Variants in WWP2 observed in about 807,000 individuals in gnomAD.
WWP2 encodes the protein NEDD4-like E3 ubiquitin-protein ligase WWP2.
WWP2 carries 57 observed loss-of-function variants against 121.0 expected under a neutral mutation model. The ratio of observed to expected loss-of-function variants is 0.47; its 90% CI spans 0.38 to 0.59. The LOEUF (loss-of-function observed/expected upper bound fraction) is 0.59. WWP2 is among the 20% of genes least tolerant of loss of function. WWP2 has a pLI of 0.00. For missense variants in WWP2, 962 were observed against 1,158.9 expected (o/e 0.83, Z 2.47); for synonymous variants, 449 against 441.3 (o/e 1.02, Z -0.22).
intron 7 of WWP2, among the ~76,000 whole-genome samples, chr16:69,877,933 C>G (rs1013557134): frequency 6.6e-6 from 1 of 152,046 alleles, no homozygotes; most frequent in Non-Finnish European, 1.5e-5. Context: ...TCAGCCCCCC[C>G]AGTAGCTGGG....
At chr16:69,821,474 G>A (rs1011488940) in intron 4 of WWP2, among the ~76,000 whole-genome samples, 9 of 152,180 alleles carry the variant, frequency 5.9e-5, no homozygotes, top group Non-Finnish European at 1.0e-4. Flanking sequence ...GAGAAGAAAA[G>A]CTCTCTGTCA....
rs1269334349 is a variant in WWP2 at position 69,888,054 on chromosome 16, C to G, written c.719C>G (p.Thr240Arg). The G allele has an allele frequency of 6.2e-7, 1 of 1,614,100 alleles. No homozygotes were observed. The highest frequency in any genetic ancestry group is 2.2e-5 in the East Asian group (1 of 44,894). The change falls in exon 8 of 24, where the codon ACA becomes AGA. Residue 240 changes from threonine to arginine, a missense_variant. This residue lies in a region of WWP2 where 211 missense variants were observed against 196.5 expected (regional missense o/e 1.07). Coordinates refer to ENST00000359154, the MANE Select transcript of WWP2 (RefSeq NM_001270454.2). The stretch of plus-strand genomic sequence containing the variant: ...GCATCTTCAGTGAATGATGAACCCA[C>G]AACAGCCACTGATCCCGAAGAACCT... ...LANGTVNDEP[T>R]TATDPEEPSV...
rs1359340511 is a variant in WWP2, at chr16:69,788,422, C to A, written c.70+1342C>A. On this transcript the variant is annotated intron_variant, in intron 2 of 23. Transcript: ENST00000359154. ...AAGCCGAAGCTCCCATGTGATGTGA[C>A]CCTTCCCCACCCCACATTTCTCATC... Among the ~76,000 whole-genome samples the A allele has an allele frequency of 2.0e-5, 3 of 152,160 alleles. No individual in the cohort carries two copies. The East Asian group carries it at 5.8e-4, about 29-fold the overall frequency.
intron 6 of WWP2, among the ~76,000 whole-genome samples, chr16:69,859,844 T>C (rs2057383777): frequency 6.6e-6 from 1 of 151,988 alleles, no homozygotes; most frequent in Non-Finnish European, 1.5e-5. Context: ...GTGATGCTAA[T>C]TAGACTGAGA....
chr16:69,826,433 G>A (rs1041255367), intron 4 of WWP2, among the ~76,000 whole-genome samples: 4 of 151,656 alleles, frequency 2.6e-5, no homozygotes, highest in African/African-American at 9.7e-5. Flanking sequence ...TTAGCCGGGC[G>A]TGATGGTGGG....
At chr16:69,787,745 A>G (rs1298921220) in intron 2 of WWP2, among the ~76,000 whole-genome samples, 1 of 151,990 alleles carries the variant, frequency 6.6e-6, no homozygotes, top group Non-Finnish European at 1.5e-5. Context: ...TTACCTCTGA[A>G]CTCCTGATTT....
chr16:69,895,129 A>G (rs2058088330), intron 8 of WWP2: 1 of 152,242 alleles, frequency 6.6e-6, no homozygotes. Flanking sequence ...CCCTTAAGAC[A>G]CTATCAAGGA....
intron 6 of WWP2, among the ~76,000 whole-genome samples, chr16:69,853,995 G>A (rs1400317514): frequency 6.6e-6 from 1 of 152,194 alleles, no homozygotes; most frequent in Non-Finnish European, 1.5e-5. Context: ...ATAGGAGGAG[G>A]AATGAGAACC....
intron 6 of WWP2, among the ~76,000 whole-genome samples, chr16:69,863,570 G>A (rs913886641): frequency 1.3e-5 from 2 of 152,146 alleles, no homozygotes; most frequent in African/African-American, 4.8e-5. Context: ...ACCTGGTGGG[G>A]GCAGAGGTTG....
chr16:69,765,987 C>G (rs1250887543), intron 1 of WWP2, among the ~76,000 whole-genome samples: 2 of 152,136 alleles, frequency 1.3e-5, no homozygotes, highest in Non-Finnish European at 2.9e-5. Context: ...TAAATACTAT[C>G]CACATGCTAA....
intron 8 of WWP2, among the ~76,000 whole-genome samples, chr16:69,893,565 G>GTTTGTT (rs200377558): frequency 2.6e-5 from 4 of 151,972 alleles, no homozygotes; most frequent in South Asian, 4.1e-4. Flanking sequence ...TTTTTTGTTT[G>GTTTGTT]TTTGTTTTTG....
chr16:69,878,989 A>T (rs904425535), intron 7 of WWP2, among the ~76,000 whole-genome samples: 14 of 152,300 alleles, frequency 9.2e-5, no homozygotes, highest in Middle Eastern at 3.4e-3. Flanking sequence ...CCTTGTAAAT[A>T]TCGGTTTATA....
At chr16:69,834,557 C>G (rs2056843122) in intron 4 of WWP2, among the ~76,000 whole-genome samples, 1 of 135,988 alleles carries the variant, frequency 7.4e-6, no homozygotes, top group South Asian at 2.3e-4. Context: ...GACGGAGTTT[C>G]GCTCTTGTTG....
At chr16:69,773,096 G>T (rs976884705) in intron 1 of WWP2, among the ~76,000 whole-genome samples, 3 of 152,070 alleles carry the variant, frequency 2.0e-5, no homozygotes, top group African/African-American at 7.2e-5. Flanking sequence ...CTGGGAAGAC[G>T]CTAGTGTCGC....
At chr16:69,832,997 G>A (rs562943811) in intron 4 of WWP2, among the ~76,000 whole-genome samples, 7 of 152,242 alleles carry the variant, frequency 4.6e-5, no homozygotes, top group Admixed American at 2.6e-4. Context: ...GGGACCGCAG[G>A]TGCACGCCAC....
intron 6 of WWP2, among the ~76,000 whole-genome samples, chr16:69,862,052 A>G (rs548754388): frequency 6.6e-6 from 1 of 151,978 alleles, no homozygotes; most frequent in Admixed American, 6.6e-5. Context: ...AAAATCAATA[A>G]TCAGGTTGTT....
At chr16:69,898,886 T>C (rs2058152119) in intron 8 of WWP2, among the ~76,000 whole-genome samples, 1 of 152,128 alleles carries the variant, frequency 6.6e-6, no homozygotes, top group Non-Finnish European at 1.5e-5. Flanking sequence ...CTGTATTTAG[T>C]AGAGACGGGA....
At chr16:69,880,889 G>C (rs2057816212) in intron 7 of WWP2, among the ~76,000 whole-genome samples, 1 of 152,202 alleles carries the variant, frequency 6.6e-6, no homozygotes, top group African/African-American at 2.4e-5. Flanking sequence ...TCCACCACGA[G>C]TCTGTGATAC....
At position 69,829,826 on chromosome 16, in the gene WWP2, AG is replaced by A. The variant is rs1027438757; in HGVS notation, c.341-10299del. Among the ~76,000 whole-genome samples the A allele has an allele frequency of 4.1e-4, 62 of 152,312 alleles. 1 individual carries two copies. The highest frequency in any genetic ancestry group is 1.5e-3 in the African/African-American group (62 of 41,574). ...CTGTTTCCATTTTCCATGATAACAT[AG>A]CTTCAAGCACTGTCTGGAAGATAGT... On this transcript the variant is annotated intron_variant, in intron 4 of 23. Coordinates refer to ENST00000359154, the MANE Select transcript of WWP2 (RefSeq NM_001270454.2).
Sources: gnomAD v4.1 joint callset for allele counts (sites outside exome capture counted in the v4.1 genomes callset) on GRCh38, gnomAD v4.1.1 for gene constraint, gnomAD v4.1.1 regional missense constraint, MANE v1.5 for transcripts, NCBI Gene and HGNC (gene_info 2026-07-23, HGNC 2026-07-21) for gene names.